Variants in ADGRB3 observed in about 807,000 individuals in gnomAD.
ADGRB3 encodes adhesion G protein-coupled receptor B3, also known as brain-specific angiogenesis inhibitor 3.
Under a neutral mutation model 193.4 loss-of-function variants are expected in ADGRB3, and 37 were observed. The observed-to-expected ratio is 0.19, with a 90% confidence interval of 0.15 to 0.25. The LOEUF is 0.25. Among genes scored for constraint, ADGRB3 ranks in the 10% least tolerant of loss-of-function variants. The pLI, the probability that ADGRB3 is intolerant of heterozygous loss-of-function variation, is 1.00. For missense variants in ADGRB3, 1,637 were observed against 1,852.9 expected (o/e 0.88, Z 2.14); for synonymous variants, 690 against 644.2 (o/e 1.07, Z -1.08).
chr6:69,151,866 G>A (rs990120530), intron 17 of ADGRB3, among the ~76,000 whole-genome samples: 26 of 152,188 alleles, frequency 1.7e-4, no homozygotes, highest in Non-Finnish European at 2.8e-4. Flanking sequence ...CCCAGTGGGA[G>A]GTAATTTAAT....
At chr6:69,136,797 T>C (rs928307392) in intron 17 of ADGRB3, among the ~76,000 whole-genome samples, 3 of 152,106 alleles carry the variant, frequency 2.0e-5, no homozygotes, top group Admixed American at 2.0e-4. Context: ...TTTTTATGCA[T>C]ATCTAGATAG....
intron 24 of ADGRB3, among the ~76,000 whole-genome samples, chr6:69,335,444 A>G (rs535840423): frequency 2.6e-5 from 4 of 152,160 alleles, no homozygotes; most frequent in Non-Finnish European, 5.9e-5. Flanking sequence ...TTATAAAAGC[A>G]GAATGTTGGC....
intron 3 of ADGRB3, among the ~76,000 whole-genome samples, chr6:68,842,535 A>G (rs1324833132): frequency 2.0e-5 from 3 of 152,016 alleles, no homozygotes; most frequent in Admixed American, 1.3e-4. Context: ...AAGGCCTCCC[A>G]GGAAAGTAAA....
intron 16 of ADGRB3, among the ~76,000 whole-genome samples, chr6:69,066,554 G>A (rs1460552174): frequency 6.6e-6 from 1 of 151,928 alleles, no homozygotes; most frequent in African/African-American, 2.4e-5. Flanking sequence ...AATAAAATAT[G>A]GAACCTAGCA....
intron 3 of ADGRB3, among the ~76,000 whole-genome samples, chr6:68,829,622 ACCATATT>A (rs1767916491): frequency 6.6e-6 from 1 of 152,152 alleles, no homozygotes; most frequent in Non-Finnish European, 1.5e-5. Flanking sequence ...TTTTAACAAA[ACCATATT>A]ATTACTCAAG....
intron 3 of ADGRB3, among the ~76,000 whole-genome samples, chr6:68,721,726 ATTATC>A (rs1765586693): frequency 6.7e-6 from 1 of 149,450 alleles, no homozygotes; most frequent in Non-Finnish European, 1.5e-5. Flanking sequence ...TCTCCCCTAA[ATTATC>A]TTAGCAGAGG....
chr6:69,083,100 T>C (rs1341961753), intron 17 of ADGRB3, among the ~76,000 whole-genome samples: 3 of 152,324 alleles, frequency 2.0e-5, no homozygotes, highest in Middle Eastern at 3.4e-3. Flanking sequence ...AAAGTTGATC[T>C]GAAAAAAATC....
chr6:68,892,897 T>G (rs1766119282), intron 3 of ADGRB3, among the ~76,000 whole-genome samples: 1 of 152,120 alleles, frequency 6.6e-6, no homozygotes, highest in Admixed American at 6.6e-5. Flanking sequence ...AGTTACATAA[T>G]TTTTGTACTT....
At chr6:68,952,789 G>A (rs575023719) in intron 6 of ADGRB3, among the ~76,000 whole-genome samples, 1 of 152,018 alleles carries the variant, frequency 6.6e-6, no homozygotes, top group Admixed American at 6.6e-5. Flanking sequence ...TACTGACTTT[G>A]TGAACAAAAC....
At chr6:68,716,992 G>A (rs766157971) in intron 3 of ADGRB3, among the ~76,000 whole-genome samples, 4 of 151,580 alleles carry the variant, frequency 2.6e-5, no homozygotes, top group Non-Finnish European at 1.5e-5. Context: ...GATAAAGCCG[G>A]CTTTCTTCAT....
intron 17 of ADGRB3, among the ~76,000 whole-genome samples, chr6:69,183,579 C>A (rs950069992): frequency 3.3e-5 from 5 of 152,028 alleles, no homozygotes; most frequent in African/African-American, 1.2e-4. Flanking sequence ...CATTAAAAAT[C>A]CTTGAACTAA....
intron 20 of ADGRB3, among the ~76,000 whole-genome samples, chr6:69,286,968 C>G (rs1202089889): frequency 6.6e-6 from 1 of 152,160 alleles, no homozygotes; most frequent in Non-Finnish European, 1.5e-5. Flanking sequence ...TAATATTTAT[C>G]AAGTGCCTGT....
At chr6:69,057,858 A>G (rs568794451) in intron 15 of ADGRB3, among the ~76,000 whole-genome samples, 2 of 152,102 alleles carry the variant, frequency 1.3e-5, no homozygotes, top group South Asian at 2.1e-4. Flanking sequence ...GGATTTTTGC[A>G]TCAATATTTA....
chr6:69,199,638 G>A (rs986456628), intron 17 of ADGRB3, among the ~76,000 whole-genome samples: 4 of 152,100 alleles, frequency 2.6e-5, no homozygotes, highest in African/African-American at 4.8e-5. Flanking sequence ...TCACTTTAGT[G>A]GTTCAGGACA....
chr6:69,003,399 A>G (rs1019308083), intron 11 of ADGRB3, among the ~76,000 whole-genome samples: 3 of 152,132 alleles, frequency 2.0e-5, no homozygotes, highest in African/African-American at 7.2e-5. Context: ...GAAAATGGAA[A>G]CAAAAAAAAG....
In ADGRB3 at chr6:69,064,842, G is replaced by A. The variant is rs371078035; in HGVS notation, c.2436+1806G>A. On this transcript the variant is annotated intron_variant, in intron 16 of 31. Coordinates refer to ENST00000370598, the MANE Select transcript of ADGRB3 (RefSeq NM_001704.3). ...TTAAAAAAGAGTAGTCTCAAAAATA[G>A]TGTTGAAATAGTCTCACTATTTGAG... Among the ~76,000 whole-genome samples the A allele has an allele frequency of 2.0e-5, 3 of 152,024 alleles. No homozygotes were observed. In the East Asian group the frequency reaches 5.8e-4, roughly 29 times the overall value.
chr6:69,314,513 G>A (rs1026730848), intron 20 of ADGRB3, among the ~76,000 whole-genome samples: 12 of 151,602 alleles, frequency 7.9e-5, no homozygotes, highest in African/African-American at 2.9e-4. Flanking sequence ...ACAAATTGAA[G>A]GTTGTGTAAA....
chr6:69,350,867 A>G (rs1007166933), intron 26 of ADGRB3, among the ~76,000 whole-genome samples: 14 of 151,976 alleles, frequency 9.2e-5, no homozygotes, highest in African/African-American at 3.4e-4. Flanking sequence ...ATTCACATCA[A>G]TTCACCAAAA....
chr6:68,926,584 T>G (rs769100571), intron 3 of ADGRB3, among the ~76,000 whole-genome samples: 1 of 152,130 alleles, frequency 6.6e-6, no homozygotes, highest in Admixed American at 6.6e-5. Context: ...ATGGCCTAGG[T>G]GAGGATGACT....
Sources: allele counts gnomAD v4.1 joint callset (sites outside exome capture counted in the v4.1 genomes callset), GRCh38; gene constraint gnomAD v4.1.1; transcripts MANE v1.5; gene names NCBI Gene and HGNC (gene_info 2026-07-23, HGNC 2026-07-21).